The following MTHFD2L variants were observed in gnomAD, a reference collection of about 807,000 sequenced individuals.
The protein encoded by MTHFD2L is methylenetetrahydrofolate dehydrogenase (NADP+ dependent) 2 like, also known as bifunctional methylenetetrahydrofolate dehydrogenase/cyclohydrolase 2, mitochondrial.
Under a neutral mutation model 34.9 loss-of-function variants are expected in MTHFD2L, and 29 were observed. The ratio of observed to expected loss-of-function variants is 0.83; its 90% CI spans 0.62 to 1.13. MTHFD2L has a LOEUF of 1.13. Ranked by LOEUF, MTHFD2L falls within the 50% of genes most tolerant of loss-of-function variation. The probability of loss-of-function intolerance (pLI) is 0.00; values close to 1 mark genes in which losing one functional copy is unlikely to be tolerated. For missense variants in MTHFD2L, 481 were observed against 446.5 expected (o/e 1.08, Z -0.70); for synonymous variants, 167 against 155.7 (o/e 1.07, Z -0.54).
At chr4:74,160,538 A>G (rs1725210895) in intron 1 of MTHFD2L, 1 of 152,952 alleles carries the variant, frequency 6.5e-6, no homozygotes, top group African/African-American at 2.4e-5. Context: ...TAAAATTTGC[A>G]GTGAATTTGT....
At chr4:74,138,213 T>C (rs190699158) in intron 1 of MTHFD2L, among the ~76,000 whole-genome samples, 1 of 152,280 alleles carries the variant, frequency 6.6e-6, no homozygotes. Context: ...TCATGGCTCC[T>C]CCTTTGCTAT....
At chr4:74,260,013 C>T (rs1744484951) in intron 6 of MTHFD2L, among the ~76,000 whole-genome samples, 1 of 152,094 alleles carries the variant, frequency 6.6e-6, no homozygotes, top group African/African-American at 2.4e-5. Context: ...GGGGAATGGG[C>T]ACTTATGATC....
intron 3 of MTHFD2L, among the ~76,000 whole-genome samples, chr4:74,185,451 A>G (rs1192064437): frequency 2.0e-5 from 3 of 152,054 alleles, no homozygotes; most frequent in African/African-American, 7.2e-5. Context: ...AACACAACAT[A>G]AAAACAAAAA....
chr4:74,173,608 T>G (rs925180461), intron 1 of MTHFD2L, among the ~76,000 whole-genome samples: 4 of 152,182 alleles, frequency 2.6e-5, no homozygotes, highest in African/African-American at 9.7e-5. Context: ...GTGCTGGATA[T>G]GCTAACCAAA....
intron 7 of MTHFD2L, among the ~76,000 whole-genome samples, chr4:74,291,411 G>A (rs952696976): frequency 3.3e-5 from 5 of 151,986 alleles, no homozygotes; most frequent in Admixed American, 3.3e-4. Flanking sequence ...AAAACCAGTG[G>A]TATCATTCTT....
intron 1 of MTHFD2L, among the ~76,000 whole-genome samples, chr4:74,147,972 C>A (rs534483038): frequency 9.2e-5 from 14 of 152,206 alleles, no homozygotes; most frequent in African/African-American, 3.4e-4. Flanking sequence ...CTTTTTCACT[C>A]TGTTGATTAT....
chr4:74,152,508 C>T (rs539032971), intron 1 of MTHFD2L, among the ~76,000 whole-genome samples: 1 of 152,100 alleles, frequency 6.6e-6, no homozygotes, highest in South Asian at 2.1e-4. Flanking sequence ...GACAGACAAG[C>T]ACAATACTTT....
chr4:74,164,167 T>A (rs558061976), intron 1 of MTHFD2L, among the ~76,000 whole-genome samples: 1 of 152,182 alleles, frequency 6.6e-6, no homozygotes, highest in Non-Finnish European at 1.5e-5. Context: ...TGAGCCACCA[T>A]GCCTGGCCAG....
chr4:74,260,155 G>A (rs1282762008), intron 6 of MTHFD2L, among the ~76,000 whole-genome samples: 4 of 152,150 alleles, frequency 2.6e-5, no homozygotes, highest in South Asian at 2.1e-4. Flanking sequence ...GCCTCCTATA[G>A]CTAGCATCCC....
intron 1 of MTHFD2L, among the ~76,000 whole-genome samples, chr4:74,136,249 T>C (rs1346608502): frequency 6.6e-6 from 1 of 151,980 alleles, no homozygotes; most frequent in Admixed American, 6.6e-5. Context: ...CAAAAAAAAC[T>C]GTTATAACTC....
chr4:74,170,556 A>G (rs1007187690), intron 1 of MTHFD2L, among the ~76,000 whole-genome samples: 5 of 152,178 alleles, frequency 3.3e-5, no homozygotes, highest in Non-Finnish European at 7.3e-5. Flanking sequence ...ATACAACACT[A>G]AAAGCATGGT....
At chr4:74,270,377 G>A (rs1745811504) in intron 6 of MTHFD2L, among the ~76,000 whole-genome samples, 1 of 151,532 alleles carries the variant, frequency 6.6e-6, no homozygotes, top group African/African-American at 2.4e-5. Context: ...GTGTCCAAGT[G>A]TTCTCATTGT....
chr4:74,202,362 G>A (rs1246832209), intron 5 of MTHFD2L, among the ~76,000 whole-genome samples: 1 of 152,098 alleles, frequency 6.6e-6, no homozygotes, highest in Non-Finnish European at 1.5e-5. Context: ...TAAAGATAAG[G>A]GGACTAGGCT....
chr4:74,204,155 A>G (rs1406796135), intron 5 of MTHFD2L, among the ~76,000 whole-genome samples: 1 of 152,176 alleles, frequency 6.6e-6, no homozygotes, highest in African/African-American at 2.4e-5. Flanking sequence ...GAGGATAGAC[A>G]TGGAGTCAGG....
intron 1 of MTHFD2L, among the ~76,000 whole-genome samples, chr4:74,127,755 G>T (rs1270079336): frequency 6.6e-6 from 1 of 152,002 alleles, no homozygotes; most frequent in Non-Finnish European, 1.5e-5. Flanking sequence ...CTTTCTTTTG[G>T]ATATATACCC....
At chr4:74,151,881 T>A (rs1219415557) in intron 1 of MTHFD2L, among the ~76,000 whole-genome samples, 1 of 152,202 alleles carries the variant, frequency 6.6e-6, no homozygotes, top group Admixed American at 6.5e-5. Context: ...CCCTACAGGT[T>A]CATTGTTAGG....
chr4:74,282,584 T>C (rs960685900), intron 7 of MTHFD2L, among the ~76,000 whole-genome samples: 1 of 152,078 alleles, frequency 6.6e-6, no homozygotes, highest in African/African-American at 2.4e-5. Flanking sequence ...GCCCTATATA[T>C]GTGAGATTCT....
chr4:74,174,177 C>T (rs1292593644), intron 1 of MTHFD2L, among the ~76,000 whole-genome samples: 1 of 152,062 alleles, frequency 6.6e-6, no homozygotes, highest in Non-Finnish European at 1.5e-5. Context: ...AGGGCTCTAT[C>T]CTCATGGTGT....
chr4:74,136,316 G>A (rs1262751632), intron 1 of MTHFD2L, among the ~76,000 whole-genome samples: 1 of 151,990 alleles, frequency 6.6e-6, no homozygotes, highest in Non-Finnish European at 1.5e-5. Flanking sequence ...AATTAGTAGT[G>A]TTTCTACACA....
Sources: gnomAD v4.1 joint callset for allele counts (sites outside exome capture counted in the v4.1 genomes callset) on GRCh38, gnomAD v4.1.1 for gene constraint, MANE v1.5 for transcripts, NCBI Gene and HGNC (gene_info 2026-07-23, HGNC 2026-07-21) for gene names.